ST3GAL3: variants seen among roughly 807,000 people sequenced by gnomAD.
The protein encoded by ST3GAL3 is CMP-N-acetylneuraminate-beta-1,4-galactoside alpha-2,3-sialyltransferase.
Under a neutral mutation model 50.1 loss-of-function variants are expected in ST3GAL3, and 21 were observed. The observed-to-expected ratio is 0.42, with a 90% CI of 0.30 to 0.60. The LOEUF (loss-of-function observed/expected upper bound fraction) is 0.60. Among genes scored for constraint, ST3GAL3 ranks in the 20% least tolerant of loss-of-function variants. ST3GAL3 has a pLI of 0.19. For missense variants in ST3GAL3, 353 were observed against 489.4 expected (o/e 0.72, Z 2.63); for synonymous variants, 183 against 190.0 (o/e 0.96, Z 0.30).
intron 2 of ST3GAL3, among the ~76,000 whole-genome samples, chr1:43,754,074 C>T (rs1342689638): frequency 6.6e-6 from 1 of 152,140 alleles, no homozygotes; most frequent in African/African-American, 2.4e-5. Flanking sequence ...CTTGCTCTCT[C>T]AGGTATTAAG....
chr1:43,746,630 T>C (rs1683794417), intron 2 of ST3GAL3, among the ~76,000 whole-genome samples: 1 of 151,302 alleles, frequency 6.6e-6, no homozygotes, highest in African/African-American at 2.4e-5. Flanking sequence ...ATCTGGCTAA[T>C]TTTTTGTATT....
rs534449186 is a variant in ST3GAL3, at chr1:43,902,760, G to A, written c.744+3033G>A. ...ACATGGGGGTGCAGCCTCCAGCTCCGGTGCAGGTCTTCTCAGAGGTGCCTC... is the reference window on the plus strand; with the variant it reads ...ACATGGGGGTGCAGCCTCCAGCTCCAGTGCAGGTCTTCTCAGAGGTGCCTC... On this transcript the variant is annotated intron_variant, in intron 9 of 11. Coordinates refer to ENST00000347631, the MANE Select transcript of ST3GAL3 (RefSeq NM_006279.5). 8.7e-4 allele frequency among the ~76,000 whole-genome samples: 133 copies of A among 152,286 alleles called. 1 individual carries two copies. The South Asian group carries it at 0.01, about 12-fold the overall frequency.
chr1:43,715,715 G>A (rs1252169188), intron 1 of ST3GAL3, among the ~76,000 whole-genome samples: 1 of 152,190 alleles, frequency 6.6e-6, no homozygotes, highest in Non-Finnish European at 1.5e-5. Context: ...CTGAGCCTAG[G>A]AGGTTGAGGC....
intron 3 of ST3GAL3, among the ~76,000 whole-genome samples, chr1:43,811,444 TG>T (rs1183554026): frequency 6.6e-6 from 1 of 152,154 alleles, no homozygotes; most frequent in African/African-American, 2.4e-5. Context: ...GCCTCTTCTC[TG>T]CGGTTCCCCC....
intron 6 of ST3GAL3, among the ~76,000 whole-genome samples, chr1:43,897,996 C>T (rs762101966): frequency 4.6e-5 from 7 of 152,128 alleles, no homozygotes; most frequent in Non-Finnish European, 8.8e-5. Context: ...AGAGAAGCTG[C>T]GTGCCAGTGT....
At chr1:43,923,641 G>A (rs1248680652) in intron 11 of ST3GAL3, among the ~76,000 whole-genome samples, 2 of 152,022 alleles carry the variant, frequency 1.3e-5, no homozygotes, top group African/African-American at 4.8e-5. Flanking sequence ...TTTGAGATAG[G>A]GTTTCACTCT....
At chr1:43,889,746 A>C (rs1237857271) in intron 5 of ST3GAL3, among the ~76,000 whole-genome samples, 3 of 152,246 alleles carry the variant, frequency 2.0e-5, no homozygotes, top group African/African-American at 7.2e-5. Flanking sequence ...CTTAAAAGAG[A>C]TACAAATATA....
intron 2 of ST3GAL3, chr1:43,739,261 C>T (rs559005879): frequency 6.6e-6 from 1 of 152,332 alleles, no homozygotes; most frequent in African/African-American, 2.4e-5. Flanking sequence ...CTCACTCTGT[C>T]ACCCAGGCTA....
At chr1:43,889,753 T>G (rs1248945582) in intron 5 of ST3GAL3, among the ~76,000 whole-genome samples, 1 of 152,126 alleles carries the variant, frequency 6.6e-6, no homozygotes, top group Non-Finnish European at 1.5e-5. Context: ...GAGATACAAA[T>G]ATAAAGTCAA....
intron 9 of ST3GAL3, among the ~76,000 whole-genome samples, chr1:43,903,406 C>A (rs549095726): frequency 2.0e-5 from 3 of 152,228 alleles, no homozygotes; most frequent in Non-Finnish European, 4.4e-5. Flanking sequence ...GCCACAGAAG[C>A]CCCTGGGAAC....
At chr1:43,836,048 C>T (rs1240539209) in intron 4 of ST3GAL3, among the ~76,000 whole-genome samples, 1 of 152,176 alleles carries the variant, frequency 6.6e-6, no homozygotes. Flanking sequence ...GTGTCTACCA[C>T]TTGTATGATC....
At chr1:43,751,301 T>G (rs1329551442) in intron 2 of ST3GAL3, among the ~76,000 whole-genome samples, 2 of 152,160 alleles carry the variant, frequency 1.3e-5, no homozygotes, top group African/African-American at 4.8e-5. Flanking sequence ...ATAATATAAG[T>G]GGGTTCCTGG....
At chr1:43,871,048 C>T (rs567198741) in intron 5 of ST3GAL3, among the ~76,000 whole-genome samples, 1 of 152,326 alleles carries the variant, frequency 6.6e-6, no homozygotes, top group South Asian at 2.1e-4. Flanking sequence ...GTGTAGGAAA[C>T]ACCCTCTGTT....
chr1:43,765,743 CTGTGTGTGTCTGTG>C (rs746877405), intron 2 of ST3GAL3, among the ~76,000 whole-genome samples: 31,305 of 138,888 alleles, frequency 0.23, 4,278 homozygotes, highest in East Asian at 0.47. Context: ...ATGTGTGTGT[CTGTGTGTGTCTGTG>C]TGTGTGTGTG....
intron 3 of ST3GAL3, among the ~76,000 whole-genome samples, chr1:43,793,017 C>A (rs560345039): frequency 6.6e-6 from 1 of 152,124 alleles, no homozygotes; most frequent in East Asian, 1.9e-4. Context: ...ATTTTGCCGT[C>A]CTTAGATATG....
At chr1:43,771,874 T>A (rs1695372477) in intron 2 of ST3GAL3, 1 of 398,316 alleles carries the variant, frequency 2.5e-6, no homozygotes. Flanking sequence ...CTCCCTTTGT[T>A]TTTTTACAGA....
chr1:43,929,307 A>ATTT (rs1239788201), intron 11 of ST3GAL3, among the ~76,000 whole-genome samples: 691 of 41,544 alleles, frequency 0.017, 6 homozygotes, highest in African/African-American at 0.029. Context: ...AGTTTTAATT[A>ATTT]TTATTTTTTT....
At chr1:43,839,567 C>T (rs2065009678) in intron 5 of ST3GAL3, 1 of 152,242 alleles carries the variant, frequency 6.6e-6, no homozygotes, top group Non-Finnish European at 1.5e-5. Flanking sequence ...CCACTCCAGA[C>T]TCCTTCCCCA....
chr1:43,743,948 C>T (rs1246389134), intron 2 of ST3GAL3, among the ~76,000 whole-genome samples: 4 of 150,842 alleles, frequency 2.7e-5, no homozygotes, highest in African/African-American at 9.8e-5. Flanking sequence ...TTTTGATTAC[C>T]ATCAAATGGA....
Sources: gnomAD v4.1 joint callset for allele counts (sites outside exome capture counted in the v4.1 genomes callset) on GRCh38, gnomAD v4.1.1 for gene constraint, MANE v1.5 for transcripts, NCBI Gene and HGNC (gene_info 2026-07-23, HGNC 2026-07-21) for gene names.